CEP83: variants seen among roughly 807,000 people sequenced by gnomAD.
CEP83 encodes the protein centrosomal protein 83, also known as centrosomal protein of 83 kDa.
A neutral mutation model predicts 101.9 loss-of-function variants in CEP83; 70 were observed. The observed-to-expected ratio is 0.69, with a 90% CI of 0.57 to 0.84. The LOEUF is 0.84. Among genes scored for constraint, CEP83 ranks in the 40% least tolerant of loss-of-function variants. The pLI is 0.00. For synonymous variants in CEP83, 264 were observed against 267.9 expected, an observed-to-expected ratio of 0.99 and a Z score of 0.14; for missense variants, 715 against 787.2, an observed-to-expected ratio of 0.91 and a Z score of 1.10.
intron 1 of CEP83, among the ~76,000 whole-genome samples, chr12:94,449,915 A>G (rs930852872): frequency 1.3e-5 from 2 of 152,072 alleles, no homozygotes; most frequent in African/African-American, 4.8e-5. Context: ...TCATATAACC[A>G]TATCATCAGA....
At chr12:94,376,766 G>T (rs1193533731) in intron 7 of CEP83, among the ~76,000 whole-genome samples, 2 of 139,802 alleles carry the variant, frequency 1.4e-5, no homozygotes, top group Non-Finnish European at 3.0e-5. Flanking sequence ...TTGAGACAAG[G>T]TCTTGCTCTG....
At chr12:94,301,197 C>T in the CEP83 span, 1 of 563,978 alleles carries the variant, frequency 1.8e-6, no homozygotes, top group Non-Finnish European at 2.9e-6. Context: ...TGTCAATTTG[C>T]TGTTATTTAA....
the CEP83 span, among the ~76,000 whole-genome samples, chr12:94,267,051 C>T: frequency 6.6e-6 from 1 of 152,318 alleles, no homozygotes; most frequent in Non-Finnish European, 1.5e-5. Context: ...TTGCACAGGG[C>T]CTGTTGACTC....
In CEP83 at chr12:94,403,262, T is replaced by C; in HGVS notation, c.325A>G (p.Ile109Val). ...TKDLEEMKLQILTPQKLELLR... is the reference protein window; with the variant it reads ...TKDLEEMKLQVLTPQKLELLR... Reference sequence around the variant, plus strand: ...AATTCCAATTTTTGTGGAGTTAATATCTAATATGTAGAGAAATGCAAACAA... The same window carrying C: ...AATTCCAATTTTTGTGGAGTTAATACCTAATATGTAGAGAAATGCAAACAA... The change falls in exon 5 of 17, where the codon ATA becomes GTA. Residue 109 changes from isoleucine (I) to valine (V), a missense_variant and splice_region_variant. Coordinates refer to ENST00000397809, the MANE Select transcript of CEP83 (RefSeq NM_016122.3). 1 of 1,332,860 alleles carries C rather than the reference T, an allele frequency of 7.5e-7. No individual in the cohort carries two copies. The highest frequency in any genetic ancestry group is 1.1e-6 in the Non-Finnish European group (1 of 926,722). The allele number at this position is 1,332,860 out of a possible 1,614,324, so 82.6% of individuals were successfully genotyped here.
At chr12:94,442,476 A>G (rs2066483345) in intron 1 of CEP83, among the ~76,000 whole-genome samples, 1 of 152,140 alleles carries the variant, frequency 6.6e-6, no homozygotes, top group Admixed American at 6.5e-5. Flanking sequence ...TAAGTTATCC[A>G]TGTAACCAAA....
rs181253857 is a variant in CEP83, at chr12:94,378,547, A to C, written c.801+244T>G. ...CTATTATGTGGCATTTTAAGAGTTA[A>C]GACATTTCAGATAGGTGACTTGACT... On this transcript the variant is annotated intron_variant, in intron 7 of 16. Coordinates refer to ENST00000397809, the MANE Select transcript of CEP83 (RefSeq NM_016122.3). 2.6e-3 allele frequency among the ~76,000 whole-genome samples: 400 copies of C among 152,342 alleles called. 2 individuals carry two copies. Among genetic ancestry groups the C allele is most frequent in the African/African-American group, 9.3e-3 (387 of 41,600 alleles).
chr12:94,335,455 C>A, intron 12 of CEP83, 134 bp downstream of exon 12: 2 of 616,886 alleles, frequency 3.2e-6, no homozygotes, highest in South Asian at 2.0e-5. Flanking sequence ...CTTTACATAT[C>A]ACCTCCAACA....
intron 4 of CEP83, among the ~76,000 whole-genome samples, chr12:94,407,444 A>T (rs139493278): frequency 6.6e-6 from 1 of 152,368 alleles, no homozygotes; most frequent in Non-Finnish European, 1.5e-5. Context: ...ATGTAGCTGC[A>T]CAATATCCAT....
chr12:94,456,269 A>T (rs75305693), intron 1 of CEP83, among the ~76,000 whole-genome samples: 6,672 of 152,166 alleles, frequency 0.044, 208 homozygotes, highest in Non-Finnish European at 0.068. Context: ...TCAAATACTC[A>T]CTTTCTAGGA....
intron 6 of CEP83, among the ~76,000 whole-genome samples, chr12:94,380,374 T>C (rs1426734309): frequency 6.6e-6 from 1 of 152,176 alleles, no homozygotes; most frequent in African/African-American, 2.4e-5. Context: ...CAGACAAATA[T>C]TATTTTGCAG....
intron 1 of CEP83, among the ~76,000 whole-genome samples, chr12:94,438,749 A>T (rs1476651161): frequency 1.3e-5 from 2 of 152,222 alleles, no homozygotes; most frequent in Non-Finnish European, 2.9e-5. Flanking sequence ...TTTCATCAAC[A>T]CATGGAACAT....
At chr12:94,343,183 A>G (rs776713086) in intron 11 of CEP83, among the ~76,000 whole-genome samples, 2 of 151,860 alleles carry the variant, frequency 1.3e-5, no homozygotes, top group African/African-American at 2.4e-5. Flanking sequence ...ACGTAACACA[A>G]TAACTGACAT....
chr12:94,325,281 C>T (rs992017152), intron 14 of CEP83, among the ~76,000 whole-genome samples: 1 of 151,998 alleles, frequency 6.6e-6, no homozygotes, highest in Non-Finnish European at 1.5e-5. Context: ...AAGCAATTCT[C>T]CCTGCCTTAG....
chr12:94,321,871 T>C (rs188088005), intron 14 of CEP83, among the ~76,000 whole-genome samples: 22 of 151,726 alleles, frequency 1.4e-4, no homozygotes, highest in Admixed American at 9.2e-4. Flanking sequence ...TGAGGAGATA[T>C]AGAATCAAGG....
the CEP83 span, chr12:94,279,508 G>A: frequency 1.9e-6 from 3 of 1,613,690 alleles, no homozygotes; most frequent in East Asian, 2.2e-5. Context: ...CCCGGAAAAC[G>A]AGAGTGCAGA....
At chr12:94,267,873 C>T in the CEP83 span, among the ~76,000 whole-genome samples, 3 of 152,178 alleles carry the variant, frequency 2.0e-5, no homozygotes, top group South Asian at 2.1e-4. Context: ...CCCCACCTAC[C>T]CCTCCCAAGC....
chr12:94,347,343 A>G (rs1221595439), intron 11 of CEP83, among the ~76,000 whole-genome samples: 3 of 152,070 alleles, frequency 2.0e-5, no homozygotes, highest in African/African-American at 7.2e-5. Context: ...TAAAATTAAG[A>G]CCACAGGTGA....
At chr12:94,432,255 G>C (rs1325718419) in intron 2 of CEP83, among the ~76,000 whole-genome samples, 4 of 151,608 alleles carry the variant, frequency 2.6e-5, no homozygotes, top group African/African-American at 9.7e-5. Flanking sequence ...GTAGAGACAG[G>C]GTTTCACCGT....
chr12:94,413,348 G>A (rs866987234), intron 2 of CEP83, among the ~76,000 whole-genome samples: 15 of 152,260 alleles, frequency 9.9e-5, no homozygotes, highest in Admixed American at 2.6e-4. Context: ...TCCCAGTTTA[G>A]GTAGTCTTAA....
Sources: gnomAD v4.1 joint callset for allele counts (sites outside exome capture counted in the v4.1 genomes callset) on GRCh38, gnomAD v4.1.1 for gene constraint, MANE v1.5 for transcripts, NCBI Gene and HGNC (gene_info 2026-07-23, HGNC 2026-07-21) for gene names.